CNTN3: variants seen among roughly 807,000 people sequenced by gnomAD.
The protein encoded by CNTN3 is contactin-3.
Under a neutral mutation model 119.1 loss-of-function variants are expected in CNTN3, and 60 were observed. The observed-to-expected ratio is 0.50, with a 90% CI of 0.41 to 0.62. The LOEUF (loss-of-function observed/expected upper bound fraction) is 0.62, where lower values mean the gene tolerates loss of function less well. Ranked by LOEUF, CNTN3 falls within the 20% of genes least tolerant of loss-of-function variation. The pLI is 0.00. For missense variants in CNTN3, 1,101 were observed against 1,242.4 expected (o/e 0.89, Z 1.71); for synonymous variants, 450 against 438.7 (o/e 1.03, Z -0.32).
At position 74,299,854 on chromosome 3, in the gene CNTN3, G is replaced by T. The variant is rs1045674799; in HGVS notation, c.2166+14C>A. 1.9e-6 allele frequency: 3 copies of T among 1,602,376 alleles called. No individual in the cohort carries two copies. The highest frequency in any genetic ancestry group is 2.3e-5 in the South Asian group (2 of 88,288). Reference sequence around the variant, plus strand: ...GCAAGACCCTGATGGGGAAGATGCTGCCCAAACACTTACATCCCAGGTTAT... The same window carrying T: ...GCAAGACCCTGATGGGGAAGATGCTTCCCAAACACTTACATCCCAGGTTAT... On this transcript the variant is annotated intron_variant, in intron 17 of 22. Transcript: ENST00000263665.
chr3:74,325,026 T>G (rs1703095271), intron 13 of CNTN3, among the ~76,000 whole-genome samples: 1 of 152,170 alleles, frequency 6.6e-6, no homozygotes, highest in Admixed American at 6.5e-5. Context: ...AATATCAGTT[T>G]GTACCCCATA....
intron 2 of CNTN3, among the ~76,000 whole-genome samples, chr3:74,511,146 TA>T (rs906563400): frequency 1.4e-4 from 21 of 151,450 alleles, no homozygotes; most frequent in African/African-American, 4.4e-4. Flanking sequence ...TGGCTTCATT[TA>T]AAAAAAAATC....
chr3:74,421,692 G>A (rs1253920051), intron 5 of CNTN3, among the ~76,000 whole-genome samples: 1 of 152,188 alleles, frequency 6.6e-6, no homozygotes, highest in African/African-American at 2.4e-5. Flanking sequence ...GCAAGCACAT[G>A]TCCTGCAGGG....
intron 3 of CNTN3, among the ~76,000 whole-genome samples, chr3:74,486,926 T>C (rs1356959992): frequency 6.6e-6 from 1 of 152,196 alleles, no homozygotes; most frequent in Non-Finnish European, 1.5e-5. Flanking sequence ...TAGGTCTGTA[T>C]AGGCAAAGAT....
At chr3:74,494,983 T>C (rs188773955) in intron 3 of CNTN3, among the ~76,000 whole-genome samples, 3 of 152,224 alleles carry the variant, frequency 2.0e-5, no homozygotes, top group Admixed American at 2.0e-4. Context: ...CAACCAAGTT[T>C]AAGTTGCCCA....
rs1477474259 is a variant in CNTN3, at chr3:74,285,540, C to T, written c.2518-49G>A. The T allele has an allele frequency of 3.9e-6, 6 of 1,534,898 alleles. No homozygotes were observed. The South Asian group carries it at 6.3e-5, about 16-fold the overall frequency. On this transcript the variant is annotated intron_variant, in intron 19 of 22. Coordinates refer to ENST00000263665, the MANE Select transcript of CNTN3 (RefSeq NM_020872.3). Reference sequence around the variant, plus strand: ...ATGTGAAGGCTTAAAAAATTCTGCCCTTTCCATTAAGTGATTTTCATTAAA... The same window carrying T: ...ATGTGAAGGCTTAAAAAATTCTGCCTTTTCCATTAAGTGATTTTCATTAAA...
At chr3:74,272,291 G>A (rs984188480) in intron 20 of CNTN3, among the ~76,000 whole-genome samples, 1 of 152,108 alleles carries the variant, frequency 6.6e-6, no homozygotes, top group African/African-American at 2.4e-5. Flanking sequence ...GCTGTGGGTT[G>A]GACAATCTTG....
intron 11 of CNTN3, among the ~76,000 whole-genome samples, chr3:74,355,463 G>GTTTT (rs946391622): frequency 1.3e-4 from 20 of 151,680 alleles, no homozygotes; most frequent in African/African-American, 4.9e-4. Flanking sequence ...GTTTTGTTTT[G>GTTTT]TTTTGTTTTG....
intron 2 of CNTN3, among the ~76,000 whole-genome samples, chr3:74,518,029 C>G (rs1208231172): frequency 6.6e-6 from 1 of 151,936 alleles, no homozygotes; most frequent in African/African-American, 2.4e-5. Flanking sequence ...TTGCAGGAGT[C>G]AGTTAACTAA....
At chr3:74,298,871 G>A (rs1395497579) in intron 17 of CNTN3, among the ~76,000 whole-genome samples, 1 of 141,220 alleles carries the variant, frequency 7.1e-6, no homozygotes, top group Non-Finnish European at 1.5e-5. Flanking sequence ...CTGGGTGACA[G>A]AGAGAGACTC....
At position 74,264,015 on chromosome 3, in the gene CNTN3, T is replaced by C. The variant is rs1379063953; in HGVS notation, c.*386A>G. On this transcript the variant is annotated 3_prime_UTR_variant, in exon 23 of 23. Transcript: ENST00000263665. ...GATACTGGTTAAGTCTTCCAAATAA[T>C]GCTATTATAATGGGAAAATAGCATT... 1 of 154,376 alleles carries C rather than the reference T, an allele frequency of 6.5e-6. No homozygotes were observed. Among genetic ancestry groups the C allele is most frequent in the African/African-American group, 2.4e-5 (1 of 41,542 alleles). The allele number at this position is 154,376 out of a possible 1,614,324, so 9.6% of individuals were successfully genotyped here. A position where few individuals can be genotyped will look rare whatever the true frequency, so the allele number is the denominator to read the frequency against.
chr3:74,550,995 T>TCC (rs2107160003), intron 1 of CNTN3, among the ~76,000 whole-genome samples: 1 of 152,168 alleles, frequency 6.6e-6, no homozygotes, highest in East Asian at 1.9e-4. Context: ...CAATGTCGAG[T>TCC]CCCCAATACG....
At chr3:74,444,657 A>C (rs925808812) in intron 4 of CNTN3, among the ~76,000 whole-genome samples, 1 of 152,122 alleles carries the variant, frequency 6.6e-6, no homozygotes, top group African/African-American at 2.4e-5. Context: ...CTTTAAACTA[A>C]ATGTGGGATA....
chr3:74,378,093 G>T (rs2106804210), intron 5 of CNTN3, among the ~76,000 whole-genome samples: 1 of 152,330 alleles, frequency 6.6e-6, no homozygotes, highest in East Asian at 1.9e-4. Flanking sequence ...ATTTAAAAGT[G>T]TGTGAAAGCT....
intron 4 of CNTN3, among the ~76,000 whole-genome samples, chr3:74,461,986 G>A (rs1306245641): frequency 6.6e-6 from 1 of 152,048 alleles, no homozygotes; most frequent in Non-Finnish European, 1.5e-5. Context: ...ATTGGAGGTG[G>A]GGCCTGGTGG....
intron 4 of CNTN3, among the ~76,000 whole-genome samples, chr3:74,469,261 G>A (rs1232179776): frequency 6.6e-6 from 1 of 152,040 alleles, no homozygotes; most frequent in Admixed American, 6.6e-5. Context: ...CTTGGGTTCC[G>A]TCCACGCTAA....
chr3:74,507,713 C>A lies in CNTN3; in HGVS notation c.56-7928G>T, dbSNP rs531219820. ...GTGGCCCAATCTTGACTCACTGCAA[C>A]CTCTGCCTCCCGGCTTCTAGCAATT... On this transcript the variant is annotated intron_variant, in intron 2 of 22. Coordinates refer to ENST00000263665, the MANE Select transcript of CNTN3 (RefSeq NM_020872.3). Among the ~76,000 whole-genome samples, 6 of 150,262 alleles carry A rather than the reference C, an allele frequency of 4.0e-5. No homozygotes were observed. In the South Asian group the frequency reaches 1.3e-3, roughly 32 times the overall value.
chr3:74,563,481 T>C (rs1704183096), intron 1 of CNTN3, among the ~76,000 whole-genome samples: 1 of 152,148 alleles, frequency 6.6e-6, no homozygotes, highest in Non-Finnish European at 1.5e-5. Context: ...TAACATTCCT[T>C]TTACTGGTCG....
rs573201976 is a variant in CNTN3, at chr3:74,447,001, T to A, written c.359-22061A>T. ...AGTTTCAAAGACGTTTTTCTTTGTT[T>A]CATTTACGACTATTTCACAGATGTG... On this transcript the variant is annotated intron_variant, in intron 4 of 22. Coordinates refer to ENST00000263665, the MANE Select transcript of CNTN3 (RefSeq NM_020872.3). Among the ~76,000 whole-genome samples the A allele has an allele frequency of 3.9e-5, 6 of 152,350 alleles. 1 individual carries two copies. The South Asian group carries it at 1.2e-3, about 32-fold the overall frequency.
Sources: allele counts gnomAD v4.1 joint callset (sites outside exome capture counted in the v4.1 genomes callset), GRCh38; gene constraint gnomAD v4.1.1; transcripts MANE v1.5; gene names NCBI Gene and HGNC (gene_info 2026-07-23, HGNC 2026-07-21).